Variants in ZNF519 observed in about 807,000 individuals in gnomAD.
The protein encoded by ZNF519 is similar to Zinc finger protein 85 (Zinc finger protein HPF4) (HTF1).
In ZNF519, 7 loss-of-function variants were observed where a neutral mutation model predicts 7.4. The ratio of observed to expected loss-of-function variants is 0.94; its 90% CI spans 0.54 to 1.77. The LOEUF (loss-of-function observed/expected upper bound fraction) is 1.77. Among genes scored for constraint, ZNF519 ranks in the 40% most tolerant of loss-of-function variants. The pLI, the probability that ZNF519 is intolerant of heterozygous loss-of-function variation, is 0.00. For synonymous variants in ZNF519, 179 were observed against 203.3 expected (o/e 0.88, Z 1.02); for missense variants, 586 against 623.1 (o/e 0.94, Z 0.63).
At position 14,100,183 on chromosome 18, in the gene ZNF519, A is replaced by G. The variant is rs988900326; in HGVS notation, c.*4734T>C. The G allele has an allele frequency of 6.6e-6, 1 of 152,180 alleles. No homozygotes were observed. Among genetic ancestry groups the G allele is most frequent in the African/African-American group, 2.4e-5 (1 of 41,442 alleles). The allele number at this position is 152,180 out of a possible 1,614,324, so 9.4% of individuals were successfully genotyped here. A position where few individuals can be genotyped will look rare whatever the true frequency, so the allele number is the denominator to read the frequency against. ...TCAATACATATCAGTCAGTATGGCT[A>G]AGAGGATTTGAAAAAACAGAAATTC... is the stretch of plus-strand genomic sequence containing the variant. On this transcript the variant is annotated 3_prime_UTR_variant, in exon 3 of 3. Coordinates refer to ENST00000590202, the MANE Select transcript of ZNF519 (RefSeq NM_145287.4).
intron 2 of ZNF519, among the ~76,000 whole-genome samples, chr18:14,111,416 A>G (rs2046220135): frequency 6.6e-6 from 1 of 150,408 alleles, no homozygotes; most frequent in Non-Finnish European, 1.5e-5. Flanking sequence ...TGAGGCAGGT[A>G]GAATTGCTGG....
downstream of ZNF519, among the ~76,000 whole-genome samples, chr18:14,095,454 T>C (rs376130401): frequency 2.0e-5 from 3 of 152,338 alleles, no homozygotes; most frequent in East Asian, 5.8e-4. Flanking sequence ...TAACACTGGG[T>C]TAACCCAAAG....
At chr18:14,090,940 C>T (rs1252788389) in intron 2 of ZNF519, 1 of 152,166 alleles carries the variant, frequency 6.6e-6, no homozygotes, top group African/African-American at 2.4e-5. Flanking sequence ...AAATAATTTA[C>T]ATTTTATTCT....
At chr18:14,115,278 A>G (rs2046240762) in intron 2 of ZNF519, among the ~76,000 whole-genome samples, 1 of 152,196 alleles carries the variant, frequency 6.6e-6, no homozygotes, top group Non-Finnish European at 1.5e-5. Flanking sequence ...GTATGTGTCC[A>G]CATCTCTGGT....
downstream of ZNF519, among the ~76,000 whole-genome samples, chr18:14,097,916 G>A (rs920053594): frequency 6.6e-6 from 1 of 152,168 alleles, no homozygotes; most frequent in African/African-American, 2.4e-5. Flanking sequence ...TAGAAAGTGC[G>A]AGGTGAGTAA....
At chr18:14,128,500 G>T (rs1042457485) in intron 1 of ZNF519, among the ~76,000 whole-genome samples, 9 of 152,062 alleles carry the variant, frequency 5.9e-5, no homozygotes, top group South Asian at 4.2e-4. Context: ...TTTCTAATTG[G>T]TAATATTTAA....
rs532400188 is a variant in ZNF519 at position 14,111,373 on chromosome 18, G to A, written c.131-4964C>T. Among the ~76,000 whole-genome samples, 141 of 151,436 alleles carry A rather than the reference G, an allele frequency of 9.3e-4. 1 individual carries two copies. The highest frequency in any genetic ancestry group is 3.4e-3 in the African/African-American group (139 of 41,378). The stretch of plus-strand genomic sequence containing the variant: ...ATATAAAAATTAGCTGGGCACGGTG[G>A]CAGGCACCTGTAATCCCACCTACTT... On this transcript the variant is annotated intron_variant, in intron 2 of 2. Transcript: ENST00000590202.
At chr18:14,096,812 G>A (rs995266455), downstream of ZNF519, among the ~76,000 whole-genome samples, 1 of 152,228 alleles carries the variant, frequency 6.6e-6, no homozygotes, top group East Asian at 1.9e-4. Context: ...GAAAGAGGGA[G>A]AGGACAGCAT....
At chr18:14,130,332 G>C (rs546384913) in intron 1 of ZNF519, among the ~76,000 whole-genome samples, 7 of 152,182 alleles carry the variant, frequency 4.6e-5, no homozygotes, top group Admixed American at 2.0e-4. Context: ...TTTAGAATCT[G>C]ATTTTGCCAC....
chr18:14,076,270 CTTAT>C (rs1319152887), exon 5 of ZNF519: 1 of 152,042 alleles, frequency 6.6e-6, no homozygotes. Flanking sequence ...GTGGTAATCT[CTTAT>C]TTAAATATCA....
rs2046286450 is a variant in ZNF519, at chr18:14,124,442, A to T, written c.38T>A (p.Phe13Tyr). 27 of 1,612,420 alleles carry T rather than the reference A, an allele frequency of 1.7e-5. No individual in the cohort carries two copies. Among genetic ancestry groups the T allele is most frequent in the Non-Finnish European group, 2.1e-5 (25 of 1,179,622 alleles). Reference sequence around the variant, plus strand: ...TAGGCATTTCCACTCTTCTGGAGAGAATTCTATGGCCACATCCCTGAATGT... The same window carrying T: ...TAGGCATTTCCACTCTTCTGGAGAGTATTCTATGGCCACATCCCTGAATGT... ...LLTFRDVAIE[F>Y]SPEEWKCLDP... The change falls in exon 2 of 3, where the codon TTC (phenylalanine) becomes TAC (tyrosine). Residue 13 changes from phenylalanine (F) to tyrosine (Y), a missense_variant. By Grantham distance (22) the Phe-to-Tyr change is conservative. Coordinates refer to ENST00000590202, the MANE Select transcript of ZNF519 (RefSeq NM_145287.4).
Position 14,105,641 on chromosome 18 carries a change from G to T in ZNF519, c.899C>A (p.Ala300Asp). 1 of 1,613,380 alleles carries T rather than the reference G, an allele frequency of 6.2e-7. No individual in the cohort carries two copies. Among genetic ancestry groups the T allele is most frequent in the South Asian group, 1.1e-5 (1 of 90,998 alleles). Residue 300 changes from alanine to aspartate, a missense_variant, in exon 3 of 3, where the codon GCC (alanine) becomes GAC (aspartate). Coordinates refer to ENST00000590202, the MANE Select transcript of ZNF519 (RefSeq NM_145287.4). ...AGCAAGGTGTGAACTCTTGTTAAAG[G>T]CTTTGTCACATTTTTTACATTTGTA... is the stretch of plus-strand genomic sequence containing the variant. ...KPYKCKKCDKAFNKSSHLAQH... is the reference protein window; with the variant it reads ...KPYKCKKCDKDFNKSSHLAQH...
At chr18:14,089,275 A>G (rs1172323055) in intron 2 of ZNF519, among the ~76,000 whole-genome samples, 4 of 152,226 alleles carry the variant, frequency 2.6e-5, no homozygotes, top group Non-Finnish European at 5.9e-5. Context: ...AAACTAGACT[A>G]ACTTGTATGA....
At chr18:14,130,296 T>G (rs1296344546) in intron 1 of ZNF519, among the ~76,000 whole-genome samples, 1 of 152,148 alleles carries the variant, frequency 6.6e-6, no homozygotes. Flanking sequence ...AAGAAAAAGC[T>G]GACTTCAGGG....
At chr18:14,090,225 A>G (rs1172557815) in intron 2 of ZNF519, 2 of 152,244 alleles carry the variant, frequency 1.3e-5, no homozygotes, top group Non-Finnish European at 2.9e-5. Flanking sequence ...GAGGATAAAT[A>G]CCAACTCACT....
chr18:14,130,864 T>C (rs1489767316), intron 1 of ZNF519, among the ~76,000 whole-genome samples: 1 of 150,914 alleles, frequency 6.6e-6, no homozygotes, highest in Non-Finnish European at 1.5e-5. Flanking sequence ...AAAAAAAATC[T>C]TAAAAATCCC....
chr18:14,087,957 G>T (rs2041611), intron 2 of ZNF519, among the ~76,000 whole-genome samples: 1 of 151,960 alleles, frequency 6.6e-6, no homozygotes, highest in African/African-American at 2.4e-5. Flanking sequence ...GCAAAATTCT[G>T]TCTGGAAAAC....
intron 2 of ZNF519, among the ~76,000 whole-genome samples, chr18:14,115,832 T>C (rs2046243584): frequency 6.6e-6 from 1 of 152,210 alleles, no homozygotes; most frequent in African/African-American, 2.4e-5. Flanking sequence ...TTTACTTATG[T>C]AAGATACCTA....
chr18:14,091,510 A>G (rs1334031253), intron 2 of ZNF519, among the ~76,000 whole-genome samples: 1 of 152,162 alleles, frequency 6.6e-6, no homozygotes, highest in Non-Finnish European at 1.5e-5. Context: ...TTTTGAGTAC[A>G]AAGAGTGGGG....
Sources: gnomAD v4.1 joint callset for allele counts (sites outside exome capture counted in the v4.1 genomes callset) on GRCh38, gnomAD v4.1.1 for gene constraint, MANE v1.5 for transcripts, NCBI Gene and HGNC (gene_info 2026-07-23, HGNC 2026-07-21) for gene names.